Variants in TAOK3 observed in about 807,000 individuals in gnomAD.
TAOK3 encodes TAO kinase 3, also known as serine/threonine-protein kinase TAO3.
In TAOK3, 40 loss-of-function variants were observed where a neutral mutation model predicts 120.4. The ratio of observed to expected loss-of-function variants is 0.33; its 90% confidence interval spans 0.26 to 0.43. The LOEUF is 0.43. TAOK3 is among the 20% of genes least tolerant of loss of function. TAOK3 has a pLI of 1.00. For missense variants in TAOK3, 821 were observed against 1,112.1 expected, an observed-to-expected ratio of 0.74 and a Z score of 3.72; for synonymous variants, 355 against 387.5, an observed-to-expected ratio of 0.92 and a Z score of 0.99.
intron 9 of TAOK3, 85 bp from the exon 10 acceptor site, chr12:118,214,195 C>A: frequency 9.5e-7 from 1 of 1,048,850 alleles, no homozygotes; most frequent in South Asian, 1.4e-5. Flanking sequence ...CAAAGCTTTG[C>A]GGCTAAATCA....
At chr12:118,272,847 C>G (rs1274985171) in intron 1 of TAOK3, among the ~76,000 whole-genome samples, 3 of 151,942 alleles carry the variant, frequency 2.0e-5, no homozygotes, top group Non-Finnish European at 2.9e-5. Context: ...CATGGTAGCA[C>G]GTGCCTGTAG....
rs1166437809 is a variant in TAOK3, at chr12:118,260,960, T to C, written c.-88-5305A>G. On this transcript the variant is annotated intron_variant, in intron 2 of 20. Transcript: ENST00000392533. ...CCTCCCAAACTCCTGGGATTACAAG[T>C]GTGAGCCACCACACCTGGCCCTCAA... is the stretch of plus-strand genomic sequence containing the variant. Among the ~76,000 whole-genome samples, 9 of 152,180 alleles carry C rather than the reference T, an allele frequency of 5.9e-5. No homozygotes were observed. The East Asian group carries it at 1.4e-3, about 23-fold the overall frequency.
At chr12:118,196,833 A>C (rs2037753756) in intron 13 of TAOK3, among the ~76,000 whole-genome samples, 2 of 152,000 alleles carry the variant, frequency 1.3e-5, no homozygotes, top group South Asian at 4.1e-4. Context: ...TTATTTACTG[A>C]GCATCTATGC....
intron 1 of TAOK3, among the ~76,000 whole-genome samples, chr12:118,308,968 GGT>G (rs1184720390): frequency 6.9e-6 from 1 of 144,166 alleles, no homozygotes; most frequent in Non-Finnish European, 1.5e-5. Flanking sequence ...AAGCCTGTAT[GGT>G]TGTAATTAAT....
At chr12:118,258,052 C>A (rs1227884369) in intron 2 of TAOK3, among the ~76,000 whole-genome samples, 1 of 152,008 alleles carries the variant, frequency 6.6e-6, no homozygotes, top group Non-Finnish European at 1.5e-5. Context: ...GATGACTCAG[C>A]CTGTTTTTGA....
chr12:118,162,920 T>G (rs2035317312), intron 17 of TAOK3, among the ~76,000 whole-genome samples: 1 of 152,218 alleles, frequency 6.6e-6, no homozygotes, highest in Non-Finnish European at 1.5e-5. Flanking sequence ...CAGAACAATG[T>G]GCTCTCAGTA....
chr12:118,242,414 C>T (rs1566000388), intron 5 of TAOK3, among the ~76,000 whole-genome samples: 1 of 152,110 alleles, frequency 6.6e-6, no homozygotes, highest in Non-Finnish European at 1.5e-5. Flanking sequence ...AGATCACATA[C>T]AGGAAAGGAG....
intron 1 of TAOK3, among the ~76,000 whole-genome samples, chr12:118,326,611 A>C (rs111240734): frequency 4.6e-5 from 7 of 152,246 alleles, no homozygotes; most frequent in Non-Finnish European, 8.8e-5. Context: ...TAATTTTAAT[A>C]GCAACCCCTC....
intron 1 of TAOK3, among the ~76,000 whole-genome samples, chr12:118,310,507 T>A (rs1176086458): frequency 1.8e-4 from 28 of 152,176 alleles, no homozygotes; most frequent in African/African-American, 4.8e-5. Context: ...TTGGGGAGTA[T>A]CCCTAAACTG....
intron 11 of TAOK3, among the ~76,000 whole-genome samples, chr12:118,208,396 A>C (rs1382696290): frequency 2.0e-5 from 3 of 149,298 alleles, no homozygotes; most frequent in Non-Finnish European, 4.4e-5. Flanking sequence ...ACAAAACATC[A>C]GCATAAAGAA....
At chr12:118,352,958 C>T (rs2045239136) in intron 1 of TAOK3, among the ~76,000 whole-genome samples, 1 of 152,190 alleles carries the variant, frequency 6.6e-6, no homozygotes, top group African/African-American at 2.4e-5. Flanking sequence ...GATCCATTTA[C>T]CTTGACCTCC....
intron 1 of TAOK3, among the ~76,000 whole-genome samples, chr12:118,330,769 A>AT (rs1443154418): frequency 6.6e-6 from 1 of 152,066 alleles, no homozygotes; most frequent in Admixed American, 6.5e-5. Context: ...GGACAAAAAA[A>AT]AAAAAAGGTA....
intron 1 of TAOK3, among the ~76,000 whole-genome samples, chr12:118,320,385 T>C (rs1284665118): frequency 1.3e-5 from 2 of 151,914 alleles, no homozygotes; most frequent in Non-Finnish European, 2.9e-5. Context: ...GAGCCCCAGG[T>C]ATTTGAGACA....
intron 1 of TAOK3, among the ~76,000 whole-genome samples, chr12:118,359,996 T>C (rs1030596892): frequency 6.6e-6 from 1 of 152,258 alleles, no homozygotes. Context: ...TCAGGCGTGG[T>C]GGCTCACACC....
chr12:118,308,090 G>C (rs2043117104), intron 1 of TAOK3, among the ~76,000 whole-genome samples: 1 of 151,972 alleles, frequency 6.6e-6, no homozygotes, highest in Non-Finnish European at 1.5e-5. Flanking sequence ...AGGTCATAAA[G>C]ACCTTGCTGA....
At chr12:118,294,375 C>A (rs1342218001) in intron 1 of TAOK3, among the ~76,000 whole-genome samples, 2 of 150,842 alleles carry the variant, frequency 1.3e-5, no homozygotes, top group African/African-American at 2.5e-5. Flanking sequence ...TCCAGAATTT[C>A]TTTTCTTTTC....
At chr12:118,370,942 G>C (rs1455480258) in intron 1 of TAOK3, among the ~76,000 whole-genome samples, 2 of 152,146 alleles carry the variant, frequency 1.3e-5, no homozygotes, top group Non-Finnish European at 2.9e-5. Context: ...CAGCTTTTAG[G>C]ATAAGAAATC....
rs1430072547 is a variant in TAOK3 at position 118,371,508 on chromosome 12, C to G, written c.-194+1140G>C. The stretch of plus-strand genomic sequence containing the variant: ...CATGCGTTTCACTTCAGAGATGTTT[C>G]ATGACATAATCCGGCTCCGGAGTCC... On this transcript the variant is annotated intron_variant, in intron 1 of 20. Transcript: ENST00000392533. The surrounding 1 kb of genome is among the most constrained non-coding windows in gnomAD (Gnocchi z 5.5). Among the ~76,000 whole-genome samples, 2 of 133,776 alleles carry G rather than the reference C, an allele frequency of 1.5e-5. No individual in the cohort carries two copies. Among genetic ancestry groups the G allele is most frequent in the African/African-American group, 2.9e-5 (1 of 34,694 alleles). 87.8% of individuals were successfully genotyped at this position (133,776 alleles called of 152,430 possible).
rs548367828 is a variant in TAOK3 at position 118,246,001 on chromosome 12, CA to C, written c.121-1037del. 3.9e-4 allele frequency: 232 copies of C among 592,620 alleles called. 1 individual carries two copies. Among genetic ancestry groups the C allele is most frequent in the African/African-American group, 3.8e-3 (197 of 51,248 alleles). 36.7% of individuals were successfully genotyped at this position (592,620 alleles called of 1,614,324 possible). A position where few individuals can be genotyped will look rare whatever the true frequency, so the allele number is the denominator to read the frequency against. ...CAAAAACAAGCTATAAAGTAGAATC[CA>C]ATTTTTGCAAAATAGTAATAATGTG... On this transcript the variant is annotated intron_variant, in intron 3 of 20. Transcript: ENST00000392533.
Sources: gnomAD v4.1 joint callset for allele counts (sites outside exome capture counted in the v4.1 genomes callset) on GRCh38, gnomAD v4.1.1 for gene constraint, Gnocchi (gnomAD v3.1) non-coding constraint, MANE v1.5 for transcripts, NCBI Gene and HGNC (gene_info 2026-07-23, HGNC 2026-07-21) for gene names.